ANO2: variants seen among roughly 807,000 people sequenced by gnomAD.
ANO2 encodes anoctamin-2.
Under a neutral mutation model 124.2 loss-of-function variants are expected in ANO2, and 101 were observed. That is an observed-to-expected ratio of 0.81 (90% CI 0.69 to 0.96). The LOEUF (loss-of-function observed/expected upper bound fraction) is 0.96, where lower values mean the gene tolerates loss of function less well. Among genes scored for constraint, ANO2 ranks in the 40% least tolerant of loss-of-function variants. The probability of loss-of-function intolerance (pLI) is 0.00; values close to 1 mark genes in which losing one functional copy is unlikely to be tolerated. For synonymous variants in ANO2, 486 were observed against 482.5 expected, an observed-to-expected ratio of 1.01 and a Z score of -0.09; for missense variants, 1,293 against 1,274.5, an observed-to-expected ratio of 1.01 and a Z score of -0.22.
At chr12:5,824,626 A>G (rs1953901755) in intron 7 of ANO2, among the ~76,000 whole-genome samples, 1 of 152,180 alleles carries the variant, frequency 6.6e-6, no homozygotes, top group Non-Finnish European at 1.5e-5. Flanking sequence ...CCTTCTTCTG[A>G]GCCCTCCAAA....
intron 14 of ANO2, among the ~76,000 whole-genome samples, chr12:5,663,373 G>T (rs190871146): frequency 2.0e-5 from 3 of 152,330 alleles, no homozygotes; most frequent in Admixed American, 1.3e-4. Flanking sequence ...TACACTGTGG[G>T]TGAATGAGCA....
At chr12:5,578,556 AAGC>A in intron 20 of ANO2, 38 bp from the exon 21 acceptor site, 1 of 1,595,644 alleles carries the variant, frequency 6.3e-7, no homozygotes, top group Non-Finnish European at 8.5e-7. Context: ...CAGCAGGAAC[AAGC>A]AGGACTCAGG....
intron 16 of ANO2, among the ~76,000 whole-genome samples, chr12:5,633,522 G>C (rs183265713): frequency 1.3e-5 from 2 of 151,796 alleles, no homozygotes; most frequent in Admixed American, 6.6e-5. Context: ...CTTTTCCATT[G>C]TCTATGAAAA....
At chr12:5,918,308 C>A (rs1209896334) in intron 3 of ANO2, among the ~76,000 whole-genome samples, 1 of 152,124 alleles carries the variant, frequency 6.6e-6, no homozygotes, top group Non-Finnish European at 1.5e-5. Context: ...AAGGGTCTGG[C>A]AAAGCAGCAC....
At chr12:5,725,611 G>A (rs547994413) in intron 14 of ANO2, among the ~76,000 whole-genome samples, 8 of 152,154 alleles carry the variant, frequency 5.3e-5, no homozygotes, top group Non-Finnish European at 1.0e-4. Context: ...GAAATCCAGG[G>A]TATTTCTCCT....
chr12:5,629,909 C>T (rs1384146311), intron 16 of ANO2, among the ~76,000 whole-genome samples: 1 of 152,236 alleles, frequency 6.6e-6, no homozygotes, highest in Non-Finnish European at 1.5e-5. Flanking sequence ...TCCAGCATGC[C>T]TTGCATCTAC....
At chr12:5,895,522 CAT>C (rs1491558762) in intron 3 of ANO2, among the ~76,000 whole-genome samples, 1 of 151,974 alleles carries the variant, frequency 6.6e-6, no homozygotes, top group African/African-American at 2.4e-5. Context: ...AGCCAACAAA[CAT>C]ATGAAAAAAT....
intron 10 of ANO2, among the ~76,000 whole-genome samples, chr12:5,797,275 G>A (rs1407439526): frequency 1.3e-5 from 2 of 152,164 alleles, no homozygotes; most frequent in African/African-American, 2.4e-5. Flanking sequence ...AGAGGAAGTG[G>A]CAAAAGAGAG....
chr12:5,659,529 G>A (rs1222830903), intron 14 of ANO2, among the ~76,000 whole-genome samples: 3 of 152,202 alleles, frequency 2.0e-5, no homozygotes, highest in African/African-American at 7.2e-5. Context: ...TTGGCAAAAG[G>A]GCATAAGGCA....
Position 5,658,187 on chromosome 12 carries a change from T to C in ANO2, c.1546-10386A>G, listed in dbSNP as rs1331903826. On this transcript the variant is annotated intron_variant, in intron 14 of 24. Transcript: ENST00000682330. The surrounding 1 kb of genome is among the most constrained non-coding windows in gnomAD (Gnocchi z 4.3). ...GTTCAATTCCCAGCTTGCACGCTAA[T>C]TGAACGTGTGACTTCAGGCATGTTA... Among the ~76,000 whole-genome samples, 1 of 152,196 alleles carries C rather than the reference T, an allele frequency of 6.6e-6. No homozygotes were observed. Among genetic ancestry groups the C allele is most frequent in the Non-Finnish European group, 1.5e-5 (1 of 68,044 alleles).
In ANO2 at chr12:5,945,252, G is replaced by A. The variant is rs778416752; in HGVS notation, c.-35C>T. On this transcript the variant is annotated 5_prime_UTR_variant, in exon 1 of 25. Transcript: ENST00000682330. ...GCAGACCCCGCCGGCCCGCGGCCGC[G>A]CGCTTCTGGGCAGGCTTATGCCGCC... 1.6e-6 allele frequency: 2 copies of A among 1,282,738 alleles called. No individual in the cohort carries two copies. The highest frequency in any genetic ancestry group is 1.3e-5 in the South Asian group (1 of 79,956). The allele number at this position is 1,282,738 out of a possible 1,614,324, so 79.5% of individuals were successfully genotyped here.
chr12:5,603,779 A>G (rs1482523963), intron 19 of ANO2, among the ~76,000 whole-genome samples: 1 of 152,002 alleles, frequency 6.6e-6, no homozygotes, highest in Non-Finnish European at 1.5e-5. Flanking sequence ...CCCCGCCTCT[A>G]CTAAAAATAC....
chr12:5,707,566 T>C (rs910712411), intron 14 of ANO2, among the ~76,000 whole-genome samples: 3 of 152,122 alleles, frequency 2.0e-5, no homozygotes, highest in African/African-American at 7.2e-5. Flanking sequence ...CAGAAGCAAG[T>C]TTTCTGACCC....
intron 14 of ANO2, among the ~76,000 whole-genome samples, chr12:5,664,853 TACTATTTTCAGTTTAATCCA>T (rs1234857777): frequency 6.6e-6 from 1 of 152,216 alleles, no homozygotes. Context: ...AGAAGTCCTG[TACTATTTTCAGTTTAATCCA>T]GCTTTCACTG....
At chr12:5,763,158 C>T (rs1951787219) in intron 10 of ANO2, among the ~76,000 whole-genome samples, 1 of 151,788 alleles carries the variant, frequency 6.6e-6, no homozygotes, top group African/African-American at 2.4e-5. Flanking sequence ...TTGGGACATC[C>T]CACAGGGACC....
chr12:5,801,588 T>C (rs1260204367), intron 9 of ANO2, among the ~76,000 whole-genome samples: 1 of 152,200 alleles, frequency 6.6e-6, no homozygotes, highest in Admixed American at 6.5e-5. Flanking sequence ...AGAACCAGCG[T>C]TCTTGCTTAA....
At position 5,563,518 on chromosome 12, in the gene ANO2, G is replaced by C; in HGVS notation, c.2778C>G (p.Ile926Met). Reference sequence around the variant, plus strand: ...TGATCTGGTCGCTGATGTCCGTGGGGATGTCTGGAATCATCCAGTCCACGA... The same window carrying C: ...TGATCTGGTCGCTGATGTCCGTGGGCATGTCTGGAATCATCCAGTCCACGA... ...SVLVDWMIPD[I>M]PTDISDQIKK... The change falls in exon 25 of 25, where the codon ATC (isoleucine) becomes ATG (methionine). Residue 926 changes from isoleucine to methionine, a missense_variant. Transcript: ENST00000682330. The C allele has an allele frequency of 6.2e-7, 1 of 1,613,988 alleles. No individual in the cohort carries two copies. Among genetic ancestry groups the C allele is most frequent in the Non-Finnish European group, 8.5e-7 (1 of 1,179,892 alleles).
rs186620447 is a variant in ANO2 at position 5,651,732 on chromosome 12, T to C, written c.1546-3931A>G. Among the ~76,000 whole-genome samples the C allele has an allele frequency of 8.0e-3, 1,226 of 152,322 alleles. 11 individuals carry two copies. Among genetic ancestry groups the C allele is most frequent in the Non-Finnish European group, 0.014 (942 of 68,032 alleles). On this transcript the variant is annotated intron_variant, in intron 14 of 24. Transcript: ENST00000682330. ...ACCATCACTTCCCATTATTCTCCCATGTCCCTTTGTAGTCTATCACCTCCC... is the reference window on the plus strand; with the variant it reads ...ACCATCACTTCCCATTATTCTCCCACGTCCCTTTGTAGTCTATCACCTCCC...
intron 8 of ANO2, 22 bp downstream of exon 8, chr12:5,807,291 C>T (rs983079911): frequency 5.0e-5 from 78 of 1,546,830 alleles, no homozygotes; most frequent in Non-Finnish European, 5.9e-5. Flanking sequence ...ACAGAGAGCA[C>T]GCTGATGAAA....
Sources: allele counts gnomAD v4.1 joint callset (sites outside exome capture counted in the v4.1 genomes callset), GRCh38; gene constraint gnomAD v4.1.1; non-coding constraint Gnocchi (gnomAD v3.1); transcripts MANE v1.5; gene names NCBI Gene and HGNC (gene_info 2026-07-23, HGNC 2026-07-21).